The following COL1A1 variants were observed in gnomAD, a reference collection of about 807,000 sequenced individuals.
COL1A1 encodes collagen type I alpha 1 chain.
In COL1A1, 21 loss-of-function variants were observed where a neutral mutation model predicts 195.7. The ratio of observed to expected loss-of-function variants is 0.11; its 90% CI spans 0.08 to 0.15. The LOEUF (loss-of-function observed/expected upper bound fraction) is 0.15, where lower values mean the gene tolerates loss of function less well. COL1A1 is among the 10% of genes least tolerant of loss of function. The pLI, the probability that COL1A1 is intolerant of heterozygous loss-of-function variation, is 1.00. For missense variants in COL1A1, 1,365 were observed against 2,051.0 expected, an observed-to-expected ratio of 0.67 and a Z score of 6.46; for synonymous variants, 749 against 747.3, an observed-to-expected ratio of 1.00 and a Z score of -0.04.
Position 50,195,824 on chromosome 17 carries a change from G to T in COL1A1, c.1056+99C>A. On this transcript the variant is annotated intron_variant, in intron 16 of 50. Coordinates refer to ENST00000225964, the MANE Select transcript of COL1A1 (RefSeq NM_000088.4). This position sits in a 1 kb window ranked among gnomAD's most constrained non-coding sequence, Gnocchi z 4.3. ...GGACAAAGGTGTTAGTGAACGGGCTGCTCTCTTGCCACTCTGGGTCCCTTT... is the reference window on the plus strand; with the variant it reads ...GGACAAAGGTGTTAGTGAACGGGCTTCTCTCTTGCCACTCTGGGTCCCTTT... 1 of 1,438,608 alleles carries T rather than the reference G, an allele frequency of 7.0e-7. No homozygotes were observed. Among genetic ancestry groups the T allele is most frequent in the East Asian group, 2.5e-5 (1 of 40,460 alleles). 89.1% of individuals were successfully genotyped at this position (1,438,608 alleles called of 1,614,324 possible). A position where few individuals can be genotyped will look rare whatever the true frequency, so the allele number is the denominator to read the frequency against.
chr17:50,194,408 G>A lies in COL1A1; in HGVS notation c.1555C>T (p.Pro519Ser). The change falls in exon 23 of 51, where the codon CCC becomes TCC. Residue 519 changes from proline (P) to serine (S), a missense_variant. By Grantham distance (74) the Pro-to-Ser change is moderately conservative (BLOSUM62 -1). Around this residue, in one of 5 missense-constraint regions of COL1A1, gnomAD observed 671 missense variants for 1,099.9 expected, o/e 0.61. Coordinates refer to ENST00000225964, the MANE Select transcript of COL1A1 (RefSeq NM_000088.4). This position sits in a 1 kb window ranked among gnomAD's most constrained non-coding sequence, Gnocchi z 6.8. ...CCAGCTTCACCAGGAGATCCTTTGG[G>A]GCCAGCAGGGCCAGGAGAACCACGT... is the stretch of plus-strand genomic sequence containing the variant. ...GERGSPGPAGPKGSPGEAGRP... is the reference protein window; with the variant it reads ...GERGSPGPAGSKGSPGEAGRP... 2 of 1,614,162 alleles carry A rather than the reference G, an allele frequency of 1.2e-6. No individual in the cohort carries two copies. Among genetic ancestry groups the A allele is most frequent in the Non-Finnish European group, 1.7e-6 (2 of 1,180,036 alleles).
Position 50,189,955 on chromosome 17 carries a change from G to A in COL1A1, c.2560-43C>T, listed in dbSNP as rs1467277431. On this transcript the variant is annotated intron_variant, in intron 36 of 50. Coordinates refer to ENST00000225964, the MANE Select transcript of COL1A1 (RefSeq NM_000088.4). The surrounding 1 kb of genome is among the most constrained non-coding windows in gnomAD (Gnocchi z 5.5). ...GGCATCAAGCCTGGACCCGTCCTGGGTCCCAGCCCACCAGCCTCGTGGGCA... is the reference window on the plus strand; with the variant it reads ...GGCATCAAGCCTGGACCCGTCCTGGATCCCAGCCCACCAGCCTCGTGGGCA... 2 of 1,610,910 alleles carry A rather than the reference G, an allele frequency of 1.2e-6. No individual in the cohort carries two copies. Among genetic ancestry groups the A allele is most frequent in the Non-Finnish European group, 1.7e-6 (2 of 1,178,554 alleles).
chr17:50,197,402 G>A (rs948772886), intron 9 of COL1A1, among the ~76,000 whole-genome samples, 169 bp from the exon 10 acceptor site: 4 of 152,322 alleles, frequency 2.6e-5, no homozygotes, highest in South Asian at 2.1e-4. Context: ...TGAAACCTTC[G>A]TTTGGTGAAA....
chr17:50,192,894 GA>G (rs1445536390), intron 26 of COL1A1, 44 bp from the exon 27 acceptor site: 1 of 1,613,168 alleles, frequency 6.2e-7, no homozygotes, highest in African/African-American at 1.3e-5. Flanking sequence ...AGGAGGCCCC[GA>G]GCAGCTGAGG....
chr17:50,193,455 G>A, intron 25 of COL1A1: 1 of 285,876 alleles, frequency 3.5e-6, no homozygotes. Flanking sequence ...GCCTGGAGAA[G>A]TGTTTCATTT....
chr17:50,196,524 T>A lies in COL1A1; in HGVS notation c.863A>T (p.Glu288Val). The A allele has an allele frequency of 6.2e-7, 1 of 1,614,210 alleles. No individual in the cohort carries two copies. The highest frequency in any genetic ancestry group is 8.5e-7 in the Non-Finnish European group (1 of 1,180,044). ...TCCATTTTCACCAGGGCTGCCAGGC[T>A]CACCCTGTAGATCAGAGAATAATGA... ...GDAGPAGPKG[E>V]PGSPGENGAP... is the part of the protein sequence containing the mutation. The change falls in exon 13 of 51, where the codon GAG becomes GTG. Residue 288 changes from glutamate (E) to valine (V), a missense_variant. Physicochemically the swap from Glu to Val is moderately radical, Grantham distance 121 (BLOSUM62 -2). Coordinates refer to ENST00000225964, the MANE Select transcript of COL1A1 (RefSeq NM_000088.4).
In COL1A1 at chr17:50,188,665, T is replaced by C. The variant is rs758171020; in HGVS notation, c.3100-28A>G. On this transcript the variant is annotated intron_variant, in intron 42 of 50. Coordinates refer to ENST00000225964, the MANE Select transcript of COL1A1 (RefSeq NM_000088.4). The surrounding 1 kb of genome is among the most constrained non-coding windows in gnomAD (Gnocchi z 5.6). Reference sequence around the variant, plus strand: ...GGCGGGGAGAGCAGGGGAATATGGGTCAGCCCCGGGTGAAGGGCCAGGATG... The same window carrying C: ...GGCGGGGAGAGCAGGGGAATATGGGCCAGCCCCGGGTGAAGGGCCAGGATG... The C allele has an allele frequency of 3.7e-6, 6 of 1,612,502 alleles. No individual in the cohort carries two copies. In the East Asian group the frequency reaches 1.3e-4, roughly 36 times the overall value.
Position 50,195,354 on chromosome 17 carries a change from C to A in COL1A1, c.1201-24G>T. 2.5e-6 allele frequency: 4 copies of A among 1,613,520 alleles called. No individual in the cohort carries two copies. The highest frequency in any genetic ancestry group is 3.4e-6 in the Non-Finnish European group (4 of 1,179,626). On this transcript the variant is annotated intron_variant, in intron 18 of 50. Transcript: ENST00000225964. This position sits in a 1 kb window ranked among gnomAD's most constrained non-coding sequence, Gnocchi z 4.3. ...CCCTGTGGGAGGCAGACAGCCAGGG[C>A]GTGAGCCTAGGAGCAGAGGGAAAGG... is the stretch of plus-strand genomic sequence containing the variant.
chr17:50,191,502 C>T lies in COL1A1; in HGVS notation c.2128-12G>A, dbSNP rs773562150. 2 of 1,612,842 alleles carry T rather than the reference C, an allele frequency of 1.2e-6. No homozygotes were observed. The highest frequency in any genetic ancestry group is 1.7e-5 in the Admixed American group (1 of 59,978). On this transcript the variant is annotated splice_polypyrimidine_tract_variant and intron_variant, in intron 31 of 50. Transcript: ENST00000225964. Reference sequence around the variant, plus strand: ...GCACCAGCATCACCCTATGTGACAACCAAGAAGACTGGAGTGAGGCCTGGG... The same window carrying T: ...GCACCAGCATCACCCTATGTGACAATCAAGAAGACTGGAGTGAGGCCTGGG...
intron 2 of COL1A1, 47 bp downstream of exon 2, chr17:50,199,706 G>T (rs1479464762): frequency 5.5e-6 from 1 of 180,680 alleles, no homozygotes; most frequent in African/African-American, 5.7e-5. Context: ...CCAGCCCCAG[G>T]CCCCAGGCCC....
chr17:50,192,253 G>A, intron 29 of COL1A1: 2 of 724,270 alleles, frequency 2.8e-6, no homozygotes, highest in Non-Finnish European at 4.6e-6. Context: ...AGGGTTGAGG[G>A]AAAGTCACAG....
At position 50,190,636 on chromosome 17, in the gene COL1A1, C is replaced by G; in HGVS notation, c.2344-40G>C. On this transcript the variant is annotated intron_variant, in intron 33 of 50. Transcript: ENST00000225964. The surrounding 1 kb of genome is among the most constrained non-coding windows in gnomAD (Gnocchi z 4.7). The stretch of plus-strand genomic sequence containing the variant: ...CAAGAGGCTCAGGGTCAGGGCCTCC[C>G]CTGAATACTCCTAGTAGATGACCCC... 1 of 1,603,536 alleles carries G rather than the reference C, an allele frequency of 6.2e-7. No homozygotes were observed. The highest frequency in any genetic ancestry group is 8.5e-7 in the Non-Finnish European group (1 of 1,171,908).
rs199631268 is a variant in COL1A1, at chr17:50,189,974, G to T, written c.2559+27C>A. On this transcript the variant is annotated intron_variant, in intron 36 of 50. Coordinates refer to ENST00000225964, the MANE Select transcript of COL1A1 (RefSeq NM_000088.4). This position sits in a 1 kb window ranked among gnomAD's most constrained non-coding sequence, Gnocchi z 5.5. ...TCCTGGGTCCCAGCCCACCAGCCTC[G>T]TGGGCACAGAGGGCCAAGCCACTCA... 2 of 1,612,382 alleles carry T rather than the reference G, an allele frequency of 1.2e-6. No individual in the cohort carries two copies. Among genetic ancestry groups the T allele is most frequent in the Non-Finnish European group, 1.7e-6 (2 of 1,179,180 alleles).
Position 50,185,524 on chromosome 17 carries a change from A to G in COL1A1, c.4373T>C (p.Val1458Ala), listed in dbSNP as rs775026377. 3.1e-6 allele frequency: 5 copies of G among 1,613,292 alleles called. No individual in the cohort carries two copies. The Admixed American group carries it at 5.0e-5, about 16-fold the overall frequency. Residue 1458 changes from valine (V) to alanine (A), a missense_variant, in exon 51 of 51, where the codon GTT (valine) becomes GCT (alanine). Coordinates refer to ENST00000225964, the MANE Select transcript of COL1A1 (RefSeq NM_000088.4). Reference protein sequence around the residue: ...GAPDQEFGFDVGPVCFL With the variant: ...GAPDQEFGFDAGPVCFL Reference sequence around the variant, plus strand: ...AGTTTACAGGAAGCAGACAGGGCCAACGTCGAAGCCGAATTCCTGGTCTGG... The same window carrying G: ...AGTTTACAGGAAGCAGACAGGGCCAGCGTCGAAGCCGAATTCCTGGTCTGG...
In COL1A1 at chr17:50,187,918, A is replaced by G. The variant is rs762677965; in HGVS notation, c.3327T>C (p.Gly1109=). The part of the protein sequence containing the change: ...TGEQGDRGIK[G]HRGFSGLQGP... ...CCTGGAGGCCAGAGAAGCCACGGTG[A>G]CCCTTTATGCCTCTGTCGCCCTGTT... Residue 1109 remains glycine (G), a synonymous_variant, in exon 45 of 51, where the codon GGT becomes GGC. Coordinates refer to ENST00000225964, the MANE Select transcript of COL1A1 (RefSeq NM_000088.4). 53 of 1,612,684 alleles carry G rather than the reference A, an allele frequency of 3.3e-5. 2 individuals carry two copies. The South Asian group carries it at 5.5e-4, about 17-fold the overall frequency.
Position 50,186,640 on chromosome 17 carries a change from C to G in COL1A1, c.3814G>C (p.Gly1272Arg). The stretch of plus-strand genomic sequence containing the variant: ...GGGAGAGGCTAGGGCAGGCCCTCAC[C>G]ACTCTTCCAGTCAGAGTGGCACATC... Reference protein sequence around the residue: ...LKMCHSDWKSGEYWIDPNQGC... With the variant: ...LKMCHSDWKSREYWIDPNQGC... Residue 1272 changes from glycine (G) to arginine (R), a missense_variant and splice_region_variant, in exon 48 of 51, where the codon GGA becomes CGA. By Grantham distance (125) the Gly-to-Arg change is moderately radical. Around this residue, in one of 5 missense-constraint regions of COL1A1, gnomAD observed 273 missense variants for 338.6 expected, o/e 0.81. Transcript: ENST00000225964. This position sits in a 1 kb window ranked among gnomAD's most constrained non-coding sequence, Gnocchi z 5.3. 1 of 1,613,532 alleles carries G rather than the reference C, an allele frequency of 6.2e-7. No individual in the cohort carries two copies. Among genetic ancestry groups the G allele is most frequent in the Non-Finnish European group, 8.5e-7 (1 of 1,180,000 alleles).
chr17:50,185,685 C>T, intron 50 of COL1A1, 37 bp from the exon 51 acceptor site: 1 of 1,612,362 alleles, frequency 6.2e-7, no homozygotes, highest in Non-Finnish European at 8.5e-7. Flanking sequence ...GGGGCATTAC[C>T]ACGTGGGAGT....
rs201916066 is a variant in COL1A1, at chr17:50,196,597, A to T, written c.858+20T>A. 69 of 1,614,114 alleles carry T rather than the reference A, an allele frequency of 4.3e-5. No individual in the cohort carries two copies. In the East Asian group the frequency reaches 1.4e-3, roughly 33 times the overall value. ...GACTCTGGGGATGTGGAGGACCATGATGTTCAGACAGCCTCTTACCTTAGG... is the reference window on the plus strand; with the variant it reads ...GACTCTGGGGATGTGGAGGACCATGTTGTTCAGACAGCCTCTTACCTTAGG... On this transcript the variant is annotated intron_variant, in intron 12 of 50. Transcript: ENST00000225964.
chr17:50,187,881 G>A lies in COL1A1; in HGVS notation c.3364C>T (p.Pro1122Ser). Reference sequence around the variant, plus strand: ...GAGGGGCTGAGCATACTTACAGGAGGGCCAGGGGGACCCTGGAGGCCAGAG... The same window carrying A: ...GAGGGGCTGAGCATACTTACAGGAGAGCCAGGGGGACCCTGGAGGCCAGAG... ...GFSGLQGPPGPPGSPGEQGPS... is the reference protein window; with the variant it reads ...GFSGLQGPPGSPGSPGEQGPS... The change falls in exon 45 of 51, where the codon CCT (proline) becomes TCT (serine). Residue 1122 changes from proline to serine, a missense_variant. This residue lies in a region of COL1A1 where 671 missense variants were observed against 1,099.9 expected (regional missense o/e 0.61). Coordinates refer to ENST00000225964, the MANE Select transcript of COL1A1 (RefSeq NM_000088.4). 6.2e-7 allele frequency: 1 copy of A among 1,600,236 alleles called. No homozygotes were observed. Among genetic ancestry groups the A allele is most frequent in the Middle Eastern group, 1.7e-4 (1 of 5,994 alleles).
Sources: gnomAD v4.1 joint callset for allele counts (sites outside exome capture counted in the v4.1 genomes callset) on GRCh38, gnomAD v4.1.1 for gene constraint, gnomAD v4.1.1 regional missense constraint, Gnocchi (gnomAD v3.1) non-coding constraint, MANE v1.5 for transcripts, NCBI Gene and HGNC (gene_info 2026-07-23, HGNC 2026-07-21) for gene names.